THSD7B: variants seen among roughly 807,000 people sequenced by gnomAD.
THSD7B encodes the protein thrombospondin type-1 domain-containing protein 7B.
In THSD7B, 138 loss-of-function variants were observed where a neutral mutation model predicts 213.6. That is an observed-to-expected ratio of 0.65 (90% CI 0.56 to 0.74). The LOEUF (loss-of-function observed/expected upper bound fraction) is 0.74, where lower values mean the gene tolerates loss of function less well. Among genes scored for constraint, THSD7B ranks in the 30% least tolerant of loss-of-function variants. The pLI, the probability that THSD7B is intolerant of heterozygous loss-of-function variation, is 0.00. For synonymous variants in THSD7B, 742 were observed against 687.0 expected (o/e 1.08, Z -1.25); for missense variants, 1,931 against 1,991.5 (o/e 0.97, Z 0.58).
At chr2:137,048,264 T>A (rs899713451) in intron 2 of THSD7B, among the ~76,000 whole-genome samples, 4 of 152,026 alleles carry the variant, frequency 2.6e-5, no homozygotes, top group Admixed American at 1.3e-4. Flanking sequence ...ATTTCTCAGA[T>A]TTTTTTTAAA....
At position 137,098,488 on chromosome 2, in the gene THSD7B, T is replaced by G. The variant is rs559998841; in HGVS notation, c.1199+3367T>G. Among the ~76,000 whole-genome samples the G allele has an allele frequency of 2.6e-5, 4 of 152,020 alleles. No individual in the cohort carries two copies. The South Asian group carries it at 6.2e-4, about 24-fold the overall frequency. ...CTATGGAAAAAATAAAACATCCAAGTAAGATAAAGCTAGAGGCTCTGGAAT... is the reference window on the plus strand; with the variant it reads ...CTATGGAAAAAATAAAACATCCAAGGAAGATAAAGCTAGAGGCTCTGGAAT... On this transcript the variant is annotated intron_variant, in intron 4 of 27. Coordinates refer to ENST00000409968, the MANE Select transcript of THSD7B (RefSeq NM_001316349.2).
At chr2:137,603,019 T>C (rs942429264) in intron 17 of THSD7B, among the ~76,000 whole-genome samples, 1 of 152,160 alleles carries the variant, frequency 6.6e-6, no homozygotes, top group Non-Finnish European at 1.5e-5. Context: ...TTGGTGGTGC[T>C]TGATTGAGTT....
chr2:137,460,399 C>T (rs765022362), intron 15 of THSD7B, among the ~76,000 whole-genome samples: 50 of 152,202 alleles, frequency 3.3e-4, no homozygotes, highest in Non-Finnish European at 6.9e-4. Context: ...TGGTCTCTAA[C>T]GTATATCTGC....
At chr2:137,574,016 G>A (rs1292573260) in intron 17 of THSD7B, among the ~76,000 whole-genome samples, 1 of 152,050 alleles carries the variant, frequency 6.6e-6, no homozygotes, top group East Asian at 1.9e-4. Flanking sequence ...TAGAAAGTGT[G>A]CTAGTACCAC....
chr2:137,674,005 C>T (rs1683640451), intron 27 of THSD7B, among the ~76,000 whole-genome samples: 1 of 152,198 alleles, frequency 6.6e-6, no homozygotes, highest in Non-Finnish European at 1.5e-5. Context: ...TCCGTGATTC[C>T]AAACATGGTA....
chr2:137,230,932 T>C, intron 7 of THSD7B, 112 bp from the exon 8 acceptor site: 1 of 1,052,388 alleles, frequency 9.5e-7, no homozygotes. Context: ...ATATTGTGAA[T>C]GGCTGAAGAA....
At position 136,843,247 on chromosome 2, in the gene THSD7B, G is replaced by A. The variant is rs1382267943; in HGVS notation, c.-35-38897G>A. Among the ~76,000 whole-genome samples, 6 of 152,076 alleles carry A rather than the reference G, an allele frequency of 3.9e-5. No individual in the cohort carries two copies. The South Asian group carries it at 1.2e-3, about 31-fold the overall frequency. On this transcript the variant is annotated intron_variant, in intron 1 of 27. Coordinates refer to ENST00000409968, the MANE Select transcript of THSD7B (RefSeq NM_001316349.2). Reference sequence around the variant, plus strand: ...CAATGTCCCATTGTTACAGTTATTGGTGTCTATTGGGAGAAAAGTTAGAAT... The same window carrying A: ...CAATGTCCCATTGTTACAGTTATTGATGTCTATTGGGAGAAAAGTTAGAAT...
chr2:137,123,336 G>C (rs141236895), intron 5 of THSD7B, among the ~76,000 whole-genome samples: 12 of 152,232 alleles, frequency 7.9e-5, no homozygotes, highest in African/African-American at 2.6e-4. Flanking sequence ...ACAAGATTCA[G>C]GAGGAGGCCA....
chr2:137,235,018 G>A (rs570082005), intron 9 of THSD7B, among the ~76,000 whole-genome samples: 1 of 152,166 alleles, frequency 6.6e-6, no homozygotes, highest in African/African-American at 2.4e-5. Flanking sequence ...GGATTGATTG[G>A]ACCAATGAAT....
chr2:137,075,471 C>T (rs571420537), intron 3 of THSD7B, among the ~76,000 whole-genome samples: 3 of 152,144 alleles, frequency 2.0e-5, no homozygotes, highest in Non-Finnish European at 4.4e-5. Flanking sequence ...ATTGGTTATT[C>T]TAGTTATCCA....
intron 15 of THSD7B, among the ~76,000 whole-genome samples, chr2:137,536,693 G>T (rs1357895177): frequency 2.7e-5 from 4 of 150,750 alleles, no homozygotes; most frequent in African/African-American, 9.7e-5. Context: ...AAAAGACAAA[G>T]AAAAAATGAT....
rs181551753 is a variant in THSD7B at position 137,082,021 on chromosome 2, T to C, written c.951-12852T>C. 1.8e-3 allele frequency among the ~76,000 whole-genome samples: 268 copies of C among 152,268 alleles called. 1 individual carries two copies. Among genetic ancestry groups the C allele is most frequent in the African/African-American group, 6.3e-3 (261 of 41,580 alleles). On this transcript the variant is annotated intron_variant, in intron 3 of 27. Coordinates refer to ENST00000409968, the MANE Select transcript of THSD7B (RefSeq NM_001316349.2). ...TACCAGCTATTCCGTCTATATATGA[T>C]TATCCATGACTGCCACTTCCAGTCT...
chr2:137,196,370 C>CAGATGGAG (rs1680760097), intron 7 of THSD7B, among the ~76,000 whole-genome samples: 1 of 131,418 alleles, frequency 7.6e-6, no homozygotes, highest in African/African-American at 2.8e-5. Context: ...AGATGGAAAA[C>CAGATGGAG]CTGCTGTTTT....
At chr2:136,882,416 C>A (rs1683641773) in intron 2 of THSD7B, 99 bp downstream of exon 2, 3 of 1,227,428 alleles carry the variant, frequency 2.4e-6, no homozygotes, top group African/African-American at 1.7e-5. Context: ...TGGGAAATAT[C>A]CAGAGAGGAA....
At chr2:137,365,138 G>T (rs1685376402) in intron 12 of THSD7B, among the ~76,000 whole-genome samples, 1 of 152,132 alleles carries the variant, frequency 6.6e-6, no homozygotes, top group South Asian at 2.1e-4. Flanking sequence ...CAAGAAATGA[G>T]GAAAGGATTC....
At chr2:136,996,913 A>G (rs990816323) in intron 2 of THSD7B, among the ~76,000 whole-genome samples, 19 of 152,188 alleles carry the variant, frequency 1.2e-4, no homozygotes, top group Admixed American at 3.9e-4. Context: ...GACTACAGTG[A>G]TTGGAGAGTG....
chr2:137,653,426 T>G (rs572249991), intron 21 of THSD7B, among the ~76,000 whole-genome samples: 2 of 152,196 alleles, frequency 1.3e-5, no homozygotes, highest in South Asian at 4.1e-4. Flanking sequence ...TCATATCTGT[T>G]TGGTGTTCTC....
chr2:136,786,127 C>T (rs1268331364), intron 1 of THSD7B, among the ~76,000 whole-genome samples: 1 of 151,576 alleles, frequency 6.6e-6, no homozygotes, highest in East Asian at 2.0e-4. Flanking sequence ...CAGTCATATG[C>T]AGTGTAGACA....
intron 1 of THSD7B, among the ~76,000 whole-genome samples, chr2:136,836,460 T>A (rs1682844097): frequency 6.6e-6 from 1 of 152,344 alleles, no homozygotes; most frequent in East Asian, 1.9e-4. Context: ...TTTATTAGTG[T>A]GTGTACATTC....
Sources: gnomAD v4.1 joint callset for allele counts (sites outside exome capture counted in the v4.1 genomes callset) on GRCh38, gnomAD v4.1.1 for gene constraint, MANE v1.5 for transcripts, NCBI Gene and HGNC (gene_info 2026-07-23, HGNC 2026-07-21) for gene names.